The following ZNF638 variants were observed in gnomAD, a reference collection of about 807,000 sequenced individuals.
The protein encoded by ZNF638 is zinc finger protein 638.
ZNF638 carries 46 observed loss-of-function variants against 195.6 expected under a neutral mutation model. The ratio of observed to expected loss-of-function variants is 0.24; its 90% CI spans 0.19 to 0.30. ZNF638 has a LOEUF of 0.30. ZNF638 is among the 10% of genes least tolerant of loss of function. The probability of loss-of-function intolerance (pLI) is 1.00; values close to 1 mark genes in which losing one functional copy is unlikely to be tolerated. For synonymous variants in ZNF638, 845 were observed against 772.0 expected, an observed-to-expected ratio of 1.09 and a Z score of -1.57; for missense variants, 2,440 against 2,325.3, an observed-to-expected ratio of 1.05 and a Z score of -1.01.
In ZNF638 at chr2:71,423,001, G is replaced by C. The variant is rs369766558; in HGVS notation, c.3487G>C (p.Glu1163Gln). The C allele has an allele frequency of 5.3e-5, 85 of 1,613,982 alleles. No homozygotes were observed. Among genetic ancestry groups the C allele is most frequent in the Non-Finnish European group, 7.1e-5 (84 of 1,179,982 alleles). The change falls in exon 22 of 28, where the codon GAA becomes CAA. Residue 1163 changes from glutamate to glutamine, a missense_variant. By Grantham distance (29) the Glu-to-Gln change is conservative. Coordinates refer to ENST00000264447, the MANE Select transcript of ZNF638 (RefSeq NM_014497.5). ...AACATGTGATTCTGACTTTGCTGTTGAAACTTTGGAGCTTGAAACTCAAGG... is the reference window on the plus strand; with the variant it reads ...AACATGTGATTCTGACTTTGCTGTTCAAACTTTGGAGCTTGAAACTCAAGG... ...KATCDSDFAV[E>Q]TLELETQGEE... is the part of the protein sequence containing the mutation.
chr2:71,405,227 G>T (rs1353054918), intron 17 of ZNF638, among the ~76,000 whole-genome samples: 1 of 151,996 alleles, frequency 6.6e-6, no homozygotes. Flanking sequence ...TGTTTTATTT[G>T]CCTGCATTTC....
In ZNF638 at chr2:71,402,726, T is replaced by A. The variant is rs1381334234; in HGVS notation, c.2829+639T>A. Among the ~76,000 whole-genome samples, 3 of 152,324 alleles carry A rather than the reference T, an allele frequency of 2.0e-5. No individual in the cohort carries two copies. The East Asian group carries it at 5.8e-4, about 29-fold the overall frequency. On this transcript the variant is annotated intron_variant, in intron 16 of 27. Coordinates refer to ENST00000264447, the MANE Select transcript of ZNF638 (RefSeq NM_014497.5). Reference sequence around the variant, plus strand: ...AACACATTAAAATGTATGTTAATAATCAACTTGTAGAAAGTATGTTTAATT... The same window carrying A: ...AACACATTAAAATGTATGTTAATAAACAACTTGTAGAAAGTATGTTTAATT...
intron 23 of ZNF638, among the ~76,000 whole-genome samples, chr2:71,425,175 A>G (rs1165558648): frequency 6.6e-6 from 1 of 152,168 alleles, no homozygotes; most frequent in African/African-American, 2.4e-5. Flanking sequence ...GTTGTCAAAC[A>G]TATTTTATAT....
At chr2:71,353,686 A>G (rs907654405) in intron 2 of ZNF638, among the ~76,000 whole-genome samples, 1 of 152,222 alleles carries the variant, frequency 6.6e-6, no homozygotes, top group Admixed American at 6.5e-5. Context: ...AGTTGCTGTA[A>G]GAATGATATC....
chr2:71,335,276 A>C (rs1464913897), intron 1 of ZNF638, among the ~76,000 whole-genome samples: 2 of 152,152 alleles, frequency 1.3e-5, no homozygotes, highest in Non-Finnish European at 2.9e-5. Context: ...CCTGGACTCA[A>C]ACCATCCTCC....
chr2:71,383,525 T>C (rs917247445), intron 10 of ZNF638, among the ~76,000 whole-genome samples: 63 of 151,304 alleles, frequency 4.2e-4, no homozygotes, highest in African/African-American at 1.5e-3. Flanking sequence ...TAATAATCTT[T>C]TCCTCTTCTC....
chr2:71,401,195 CT>C (rs1032477332), intron 15 of ZNF638, among the ~76,000 whole-genome samples: 11 of 152,012 alleles, frequency 7.2e-5, no homozygotes, highest in Non-Finnish European at 1.3e-4. Flanking sequence ...AACTTCCTGC[CT>C]TTTTTTCCCC....
chr2:71,383,560 G>GTTTGTTTTTT (rs2079571507), intron 10 of ZNF638, among the ~76,000 whole-genome samples: 1 of 122,120 alleles, frequency 8.2e-6, no homozygotes, highest in East Asian at 2.4e-4. Flanking sequence ...TTCCTGGGTG[G>GTTTGTTTTTT]TTTTTTTTTT....
intron 27 of ZNF638, 67 bp downstream of exon 27, chr2:71,433,350 C>T (rs935022668): frequency 1.7e-5 from 19 of 1,143,052 alleles, no homozygotes; most frequent in South Asian, 5.1e-5. Flanking sequence ...TTATTTATCT[C>T]CCCAAACGTA....
At chr2:71,403,234 C>T (rs918989541) in intron 16 of ZNF638, among the ~76,000 whole-genome samples, 5 of 152,064 alleles carry the variant, frequency 3.3e-5, no homozygotes, top group Admixed American at 1.3e-4. Flanking sequence ...ATTAAAACTA[C>T]AATAAATAGA....
chr2:71,383,128 G>A (rs2079563593), intron 10 of ZNF638, among the ~76,000 whole-genome samples: 1 of 152,092 alleles, frequency 6.6e-6, no homozygotes, highest in Admixed American at 6.5e-5. Flanking sequence ...TTCAAGACCA[G>A]CCTGGCCAAC....
intron 19 of ZNF638, chr2:71,407,232 G>A (rs1425207752): frequency 6.6e-6 from 1 of 152,086 alleles, no homozygotes; most frequent in Non-Finnish European, 1.5e-5. Context: ...TCTTTGATAT[G>A]CTTCTGATAA....
At chr2:71,367,630 G>A (rs895109500) in intron 6 of ZNF638, among the ~76,000 whole-genome samples, 69 of 151,420 alleles carry the variant, frequency 4.6e-4, no homozygotes, top group African/African-American at 1.6e-3. Context: ...TAGCAGAGAC[G>A]GGGTTTCACC....
At chr2:71,418,815 C>T (rs553337807) in intron 21 of ZNF638, among the ~76,000 whole-genome samples, 176 bp downstream of exon 21, 17 of 152,152 alleles carry the variant, frequency 1.1e-4, no homozygotes, top group African/African-American at 2.7e-4. Flanking sequence ...CTAGGAGTTT[C>T]GTTTGTTGCT....
At chr2:71,381,884 T>G (rs896361749) in intron 10 of ZNF638, among the ~76,000 whole-genome samples, 5 of 152,096 alleles carry the variant, frequency 3.3e-5, no homozygotes, top group Admixed American at 6.5e-5. Context: ...GTAGAGAATA[T>G]GGAGCCACTC....
chr2:71,358,509 A>G (rs942144479), intron 3 of ZNF638, among the ~76,000 whole-genome samples: 26 of 152,178 alleles, frequency 1.7e-4, no homozygotes, highest in African/African-American at 6.3e-4. Flanking sequence ...CTGCAACTGG[A>G]TATATCCTTC....
In ZNF638 at chr2:71,418,533, A is replaced by G. The variant is rs960299760; in HGVS notation, c.3262-69A>G. ...TTGAGCTTAAATTTTTACTAAAAAC[A>G]TTGCTTTTATAGTTAAATATTTCAA... On this transcript the variant is annotated intron_variant, in intron 20 of 27. Transcript: ENST00000264447. The G allele has an allele frequency of 1.1e-5, 12 of 1,121,732 alleles. No individual in the cohort carries two copies. The African/African-American group carries it at 1.8e-4, about 17-fold the overall frequency. 69.5% of individuals were successfully genotyped at this position (1,121,732 alleles called of 1,614,324 possible).
At chr2:71,432,768 A>G (rs1462148636) in intron 26 of ZNF638, among the ~76,000 whole-genome samples, 1 of 152,206 alleles carries the variant, frequency 6.6e-6, no homozygotes. Context: ...TTAAGTATAT[A>G]CTGTGCTTAA....
chr2:71,407,970 C>A (rs2080138934), intron 19 of ZNF638, 152 bp from the exon 20 acceptor site: 1 of 617,928 alleles, frequency 1.6e-6, no homozygotes, highest in Non-Finnish European at 2.6e-6. Flanking sequence ...GTGAATAATG[C>A]TTCTGTGAAC....
Sources: allele counts gnomAD v4.1 joint callset (sites outside exome capture counted in the v4.1 genomes callset), GRCh38; gene constraint gnomAD v4.1.1; transcripts MANE v1.5; gene names NCBI Gene and HGNC (gene_info 2026-07-23, HGNC 2026-07-21).